The following CACNA2D3 variants were observed in gnomAD, a reference collection of about 807,000 sequenced individuals.
The protein encoded by CACNA2D3 is voltage-dependent calcium channel subunit alpha-2/delta-3.
A neutral mutation model predicts 160.6 loss-of-function variants in CACNA2D3; 60 were observed. The observed-to-expected ratio is 0.37, with a 90% CI of 0.30 to 0.46. CACNA2D3 has a LOEUF of 0.46. CACNA2D3 is among the 20% of genes least tolerant of loss of function. CACNA2D3 has a pLI of 1.00. For missense variants in CACNA2D3, 1,205 were observed against 1,365.0 expected (o/e 0.88, Z 1.85); for synonymous variants, 558 against 492.9 (o/e 1.13, Z -1.75).
intron 13 of CACNA2D3, among the ~76,000 whole-genome samples, chr3:54,798,975 A>G (rs905817291): frequency 3.3e-5 from 5 of 152,196 alleles, no homozygotes; most frequent in Non-Finnish European, 5.9e-5. Flanking sequence ...TTAAAAAATG[A>G]TAGAGTAATT....
chr3:54,640,659 TA>T (rs1409650783), intron 10 of CACNA2D3, among the ~76,000 whole-genome samples: 3 of 152,186 alleles, frequency 2.0e-5, no homozygotes, highest in Admixed American at 6.5e-5. Context: ...TATAAACTAA[TA>T]TGTAAGTTTA....
chr3:54,179,367 C>A (rs1261330330), intron 2 of CACNA2D3, among the ~76,000 whole-genome samples: 1 of 152,078 alleles, frequency 6.6e-6, no homozygotes, highest in Non-Finnish European at 1.5e-5. Context: ...AGAAGAAGCT[C>A]CTTCTGCAGG....
intron 17 of CACNA2D3, among the ~76,000 whole-genome samples, chr3:54,870,665 A>G (rs1166679763): frequency 6.6e-6 from 1 of 152,198 alleles, no homozygotes; most frequent in African/African-American, 2.4e-5. Flanking sequence ...GGAGAAAACT[A>G]AAACCACTTC....
intron 4 of CACNA2D3, among the ~76,000 whole-genome samples, chr3:54,407,692 G>A (rs148832238): frequency 2.0e-5 from 3 of 152,158 alleles, no homozygotes; most frequent in Non-Finnish European, 4.4e-5. Flanking sequence ...GTGTTAACCA[G>A]TTATTTGGTG....
intron 25 of CACNA2D3, among the ~76,000 whole-genome samples, chr3:54,892,179 G>C (rs1194289054): frequency 6.6e-6 from 1 of 152,226 alleles, no homozygotes; most frequent in Non-Finnish European, 1.5e-5. Context: ...TCTGAAGCAA[G>C]AGCGATTGTT....
chr3:54,441,155 C>T (rs1167815014), intron 4 of CACNA2D3, among the ~76,000 whole-genome samples: 1 of 152,150 alleles, frequency 6.6e-6, no homozygotes, highest in Non-Finnish European at 1.5e-5. Flanking sequence ...CCTGTTGTTT[C>T]CTGGCTCTTT....
intron 27 of CACNA2D3, among the ~76,000 whole-genome samples, chr3:54,940,503 GTT>G (rs1701438699): frequency 6.6e-6 from 1 of 152,106 alleles, no homozygotes; most frequent in Non-Finnish European, 1.5e-5. Flanking sequence ...CGGGCCATGT[GTT>G]TTATTTGCTG....
At chr3:54,993,186 C>G (rs1356000384) in intron 31 of CACNA2D3, among the ~76,000 whole-genome samples, 1 of 152,224 alleles carries the variant, frequency 6.6e-6, no homozygotes, top group Non-Finnish European at 1.5e-5. Context: ...TAGCACTTTA[C>G]TCTCCTAGAG....
chr3:54,631,375 T>C (rs1270208078), intron 10 of CACNA2D3, among the ~76,000 whole-genome samples: 1 of 152,246 alleles, frequency 6.6e-6, no homozygotes, highest in Non-Finnish European at 1.5e-5. Context: ...CTAAACTCTT[T>C]GACAAACACA....
intron 4 of CACNA2D3, among the ~76,000 whole-genome samples, chr3:54,446,737 G>T (rs1267480331): frequency 6.6e-6 from 1 of 152,132 alleles, no homozygotes; most frequent in Non-Finnish European, 1.5e-5. Flanking sequence ...GCCTGAGGAT[G>T]TCGTTTTCAT....
chr3:54,133,154 G>A (rs1699749233), intron 2 of CACNA2D3, among the ~76,000 whole-genome samples: 1 of 152,036 alleles, frequency 6.6e-6, no homozygotes. Context: ...TCTACAAGGG[G>A]TTTTCGGCAG....
intron 16 of CACNA2D3, among the ~76,000 whole-genome samples, chr3:54,845,241 TGTTAAATTCTCTGAA>T (rs1402143602): frequency 1.3e-5 from 2 of 152,236 alleles, no homozygotes; most frequent in Non-Finnish European, 2.9e-5. Context: ...TAATTGCCAG[TGTTAAATTCTCTGAA>T]GTTAATTTCA....
chr3:54,834,797 A>C (rs1698638181), intron 14 of CACNA2D3, among the ~76,000 whole-genome samples: 1 of 152,224 alleles, frequency 6.6e-6, no homozygotes, highest in African/African-American at 2.4e-5. Flanking sequence ...TGGGGCTGGC[A>C]AGTCTGAAAT....
chr3:54,588,416 G>C (rs569680041), intron 9 of CACNA2D3, among the ~76,000 whole-genome samples: 110 of 152,256 alleles, frequency 7.2e-4, no homozygotes, highest in African/African-American at 2.6e-3. Flanking sequence ...GAACAGGTAA[G>C]GATGTCCACA....
At chr3:54,545,867 C>A (rs761614901) in intron 5 of CACNA2D3, among the ~76,000 whole-genome samples, 1 of 152,136 alleles carries the variant, frequency 6.6e-6, no homozygotes, top group South Asian at 2.1e-4. Context: ...ATTCTGGCAC[C>A]TTGAATTTCG....
chr3:54,684,272 T>G (rs1005104723), intron 11 of CACNA2D3, among the ~76,000 whole-genome samples: 5 of 152,162 alleles, frequency 3.3e-5, no homozygotes, highest in African/African-American at 9.7e-5. Context: ...AATTTCCATC[T>G]TTTTATAAAG....
At position 55,004,752 on chromosome 3, in the gene CACNA2D3, C is replaced by A. The variant is rs138179588; in HGVS notation, c.2691-11C>A. On this transcript the variant is annotated splice_polypyrimidine_tract_variant and intron_variant, in intron 31 of 37. Coordinates refer to ENST00000474759, the MANE Select transcript of CACNA2D3 (RefSeq NM_018398.3). The stretch of plus-strand genomic sequence containing the variant: ...CATTTAGTGAAGCTCCCTTCCATTT[C>A]TTTCCTGTAGAATTACCCTTTATGA... 1.5e-5 allele frequency: 24 copies of A among 1,604,946 alleles called. No individual in the cohort carries two copies. The highest frequency in any genetic ancestry group is 8.0e-5 in the African/African-American group (6 of 74,828).
chr3:54,397,660 G>A (rs1435837148), intron 4 of CACNA2D3, among the ~76,000 whole-genome samples: 19 of 71,918 alleles, frequency 2.6e-4, no homozygotes, highest in Non-Finnish European at 4.2e-4. Flanking sequence ...GTTCTAGTTT[G>A]ATTGCACTGT....
At chr3:54,249,592 G>T (rs1484877560) in intron 2 of CACNA2D3, among the ~76,000 whole-genome samples, 4 of 53,286 alleles carry the variant, frequency 7.5e-5, no homozygotes, top group Admixed American at 3.8e-4. Flanking sequence ...CACACACCAG[G>T]CTACATTTGA....
Sources: allele counts gnomAD v4.1 joint callset (sites outside exome capture counted in the v4.1 genomes callset), GRCh38; gene constraint gnomAD v4.1.1; transcripts MANE v1.5; gene names NCBI Gene and HGNC (gene_info 2026-07-23, HGNC 2026-07-21).